MAP3K5: variants seen among roughly 807,000 people sequenced by gnomAD.
MAP3K5 encodes mitogen-activated protein kinase kinase kinase 5.
MAP3K5 carries 56 observed loss-of-function variants against 158.7 expected under a neutral mutation model. That is an observed-to-expected ratio of 0.35 (90% CI 0.28 to 0.44). The LOEUF (loss-of-function observed/expected upper bound fraction) is 0.44, where lower values mean the gene tolerates loss of function less well. Among genes scored for constraint, MAP3K5 ranks in the 20% least tolerant of loss-of-function variants. The pLI is 1.00. For synonymous variants in MAP3K5, 579 were observed against 601.7 expected, an observed-to-expected ratio of 0.96 and a Z score of 0.55; for missense variants, 1,294 against 1,674.8, an observed-to-expected ratio of 0.77 and a Z score of 3.97.
chr6:136,653,179 T>C (rs1778595354), intron 10 of MAP3K5, among the ~76,000 whole-genome samples: 1 of 152,128 alleles, frequency 6.6e-6, no homozygotes, highest in Non-Finnish European at 1.5e-5. Context: ...TCTCCAAACT[T>C]TTCAATGTAA....
At chr6:136,629,613 C>T (rs1473985503) in intron 14 of MAP3K5, among the ~76,000 whole-genome samples, 1 of 151,960 alleles carries the variant, frequency 6.6e-6, no homozygotes, top group African/African-American at 2.4e-5. Flanking sequence ...CGCCACCACA[C>T]CCAGCTAATT....
chr6:136,751,766 A>C (rs1783219146), intron 1 of MAP3K5, among the ~76,000 whole-genome samples: 1 of 152,242 alleles, frequency 6.6e-6, no homozygotes, highest in Admixed American at 6.5e-5. Flanking sequence ...AAGTAGATTT[A>C]GGCTTGCATT....
At chr6:136,683,101 A>G (rs533922609) in intron 7 of MAP3K5, among the ~76,000 whole-genome samples, 1 of 152,352 alleles carries the variant, frequency 6.6e-6, no homozygotes, top group Admixed American at 6.5e-5. Context: ...CACCAAGGAT[A>G]TAACACTAAA....
At chr6:136,687,926 C>T (rs1047377788) in intron 7 of MAP3K5, among the ~76,000 whole-genome samples, 1 of 152,162 alleles carries the variant, frequency 6.6e-6, no homozygotes, top group East Asian at 1.9e-4. Flanking sequence ...TTGGTATATA[C>T]CCAAAGGATT....
chr6:136,587,249 C>T (rs777920027), intron 23 of MAP3K5, among the ~76,000 whole-genome samples: 17 of 152,012 alleles, frequency 1.1e-4, no homozygotes, highest in Non-Finnish European at 2.2e-4. Context: ...AATATAGATA[C>T]AAATATGTAT....
intron 1 of MAP3K5, among the ~76,000 whole-genome samples, chr6:136,743,169 G>A (rs1320376467): frequency 3.3e-5 from 5 of 152,138 alleles, no homozygotes; most frequent in Middle Eastern, 3.2e-3. Flanking sequence ...ATTAAGATAC[G>A]GCTGGGCGCA....
intron 1 of MAP3K5, among the ~76,000 whole-genome samples, chr6:136,761,475 G>A (rs2089785539): frequency 6.6e-6 from 1 of 152,158 alleles, no homozygotes; most frequent in African/African-American, 2.4e-5. Context: ...GAAGCCAGGA[G>A]CCTGGGGGAA....
chr6:136,776,687 A>C (rs1784415160), intron 1 of MAP3K5, among the ~76,000 whole-genome samples: 1 of 152,208 alleles, frequency 6.6e-6, no homozygotes, highest in African/African-American at 2.4e-5. Context: ...TTTAGCTTGG[A>C]GTTGTCTCCC....
chr6:136,711,156 T>C (rs1781290814), intron 2 of MAP3K5, among the ~76,000 whole-genome samples: 1 of 151,542 alleles, frequency 6.6e-6, no homozygotes, highest in Non-Finnish European at 1.5e-5. Flanking sequence ...TATGCCTACA[T>C]AAAAGCTCAA....
chr6:136,707,701 G>A (rs892566943), intron 2 of MAP3K5, among the ~76,000 whole-genome samples: 4 of 152,210 alleles, frequency 2.6e-5, no homozygotes, highest in East Asian at 1.9e-4. Context: ...TCTGCTCTGT[G>A]AGCACCTGGC....
intron 7 of MAP3K5, 120 bp from the exon 8 acceptor site, chr6:136,669,515 C>T: frequency 1.6e-6 from 1 of 633,734 alleles, no homozygotes; most frequent in Non-Finnish European, 2.8e-6. Flanking sequence ...CTGGCCTTCA[C>T]CCCAGAATCT....
Position 136,694,201 on chromosome 6 carries a change from T to C in MAP3K5, c.1192A>G (p.Lys398Glu). The C allele has an allele frequency of 6.2e-7, 1 of 1,613,936 alleles. No homozygotes were observed. Among genetic ancestry groups the C allele is most frequent in the Non-Finnish European group, 8.5e-7 (1 of 1,179,942 alleles). Residue 398 changes from lysine to glutamate, a missense_variant, in exon 7 of 30, where the codon AAA becomes GAA. Lys to Glu is a moderately conservative substitution (Grantham distance 56, BLOSUM62 1). Coordinates refer to ENST00000359015, the MANE Select transcript of MAP3K5 (RefSeq NM_005923.4). ...AAATTAGAGTCCAAAAACATATCTTTGTAGATTCGACCAACTAGGCAATAC... is the reference window on the plus strand; with the variant it reads ...AAATTAGAGTCCAAAAACATATCTTCGTAGATTCGACCAACTAGGCAATAC... ...DMYCLVGRIY[K>E]DMFLDSNFTD...
intron 7 of MAP3K5, among the ~76,000 whole-genome samples, chr6:136,677,702 C>T (rs1779766634): frequency 6.6e-6 from 1 of 152,174 alleles, no homozygotes; most frequent in Non-Finnish European, 1.5e-5. Context: ...GCTTAGAATG[C>T]ACATCAATCA....
rs370116112 is a variant in MAP3K5 at position 136,645,040 on chromosome 6, C to T, written c.1789-2471G>A. 4.6e-5 allele frequency among the ~76,000 whole-genome samples: 7 copies of T among 151,996 alleles called. No homozygotes were observed. In the East Asian group the frequency reaches 9.7e-4, roughly 21 times the overall value. On this transcript the variant is annotated intron_variant, in intron 11 of 29. Coordinates refer to ENST00000359015, the MANE Select transcript of MAP3K5 (RefSeq NM_005923.4). ...ATCTCCTAGGCTCAAGCAATCCTCC[C>T]GCCTCAGCCTCCCAAGCAGCTGGGA...
intron 1 of MAP3K5, among the ~76,000 whole-genome samples, chr6:136,771,886 C>T (rs1442921654): frequency 6.6e-6 from 1 of 152,016 alleles, no homozygotes; most frequent in Non-Finnish European, 1.5e-5. Flanking sequence ...AATAGGTTTT[C>T]AAAATATTTG....
At chr6:136,764,165 T>G (rs1334188615) in intron 1 of MAP3K5, among the ~76,000 whole-genome samples, 1 of 152,212 alleles carries the variant, frequency 6.6e-6, no homozygotes, top group Non-Finnish European at 1.5e-5. Flanking sequence ...CCATGGTAGA[T>G]GTTTCCAAAG....
chr6:136,746,608 C>T (rs781007606), intron 1 of MAP3K5, among the ~76,000 whole-genome samples: 4 of 151,908 alleles, frequency 2.6e-5, no homozygotes, highest in East Asian at 1.9e-4. Context: ...CTAATACCCA[C>T]GAGAGAGGGA....
intron 23 of MAP3K5, 92 bp downstream of exon 23, chr6:136,592,081 G>GTA: frequency 8.2e-7 from 1 of 1,217,512 alleles, no homozygotes; most frequent in South Asian, 1.7e-5. Flanking sequence ...GGTTCCTCTT[G>GTA]CCTTTCACAT....
At chr6:136,697,425 A>G in intron 4 of MAP3K5, 38 bp from the exon 5 acceptor site, 44 of 1,509,204 alleles carry the variant, frequency 2.9e-5, no homozygotes, top group Non-Finnish European at 3.9e-5. Context: ...GTTTGACATT[A>G]GAAACAATTT....
Sources: gnomAD v4.1 joint callset for allele counts (sites outside exome capture counted in the v4.1 genomes callset) on GRCh38, gnomAD v4.1.1 for gene constraint, MANE v1.5 for transcripts, NCBI Gene and HGNC (gene_info 2026-07-23, HGNC 2026-07-21) for gene names.